ANK2: variants seen among roughly 807,000 people sequenced by gnomAD.
ANK2 encodes ankyrin-2.
Under a neutral mutation model 360.5 loss-of-function variants are expected in ANK2, and 83 were observed. That is an observed-to-expected ratio of 0.23 (90% CI 0.19 to 0.28). ANK2 has a LOEUF of 0.28. Ranked by LOEUF, ANK2 falls within the 10% of genes least tolerant of loss-of-function variation. The pLI is 1.00. For synonymous variants in ANK2, 1,740 were observed against 1,759.5 expected (o/e 0.99, Z 0.28); for missense variants, 4,201 against 4,795.7 (o/e 0.88, Z 3.66).
intron 4 of ANK2, among the ~76,000 whole-genome samples, chr4:113,216,538 A>C (rs2099087597): frequency 1.3e-5 from 2 of 152,226 alleles, no homozygotes; most frequent in Admixed American, 6.5e-5. Flanking sequence ...TAGGCCTGTT[A>C]GGGCATCATC....
chr4:112,841,043 C>T (rs748003332), intron 1 of ANK2, among the ~76,000 whole-genome samples: 5 of 152,180 alleles, frequency 3.3e-5, no homozygotes, highest in Non-Finnish European at 7.4e-5. Flanking sequence ...TGACAACTGC[C>T]TTCTTAAATG....
At chr4:112,793,160 G>A in the ANK2 span, among the ~76,000 whole-genome samples, 54,417 of 151,880 alleles carry the variant, frequency 0.36, 10,182 homozygotes, top group African/African-American at 0.46. Flanking sequence ...TTGTGATGCC[G>A]TTTGTTAAAT....
intron 2 of ANK2, among the ~76,000 whole-genome samples, chr4:113,012,342 C>T (rs1200640777): frequency 2.0e-5 from 3 of 152,070 alleles, no homozygotes; most frequent in Non-Finnish European, 2.9e-5. Flanking sequence ...CTGACCTTCC[C>T]GATTAAAATC....
chr4:112,803,887 T>A, the ANK2 span, among the ~76,000 whole-genome samples: 1 of 152,178 alleles, frequency 6.6e-6, no homozygotes, highest in South Asian at 2.1e-4. Flanking sequence ...TTCCAAATAG[T>A]ATAATAGACA....
chr4:113,291,591 A>G (rs1276309440), intron 20 of ANK2, among the ~76,000 whole-genome samples: 1 of 152,266 alleles, frequency 6.6e-6, no homozygotes, highest in Non-Finnish European at 1.5e-5. Context: ...TGTTGCTCAC[A>G]GGGCAGCAGT....
At chr4:113,107,078 G>A (rs568610604) in intron 1 of ANK2, 5 of 315,494 alleles carry the variant, frequency 1.6e-5, no homozygotes, top group South Asian at 2.9e-5. Context: ...ATTAAGGCCT[G>A]GTGTAAATCT....
At chr4:112,751,261 A>G in the ANK2 span, among the ~76,000 whole-genome samples, 1 of 152,312 alleles carries the variant, frequency 6.6e-6, no homozygotes, top group South Asian at 2.1e-4. Context: ...AGCATTTACA[A>G]TGCCATATAC....
At chr4:112,717,789 A>AT in the ANK2 span, among the ~76,000 whole-genome samples, 2 of 7,350 alleles carry the variant, frequency 2.7e-4, no homozygotes, top group Non-Finnish European at 1.0e-3. Flanking sequence ...TTTAAAAAAA[A>AT]AATATTTATA....
At chr4:113,380,195 T>TATGGAGTAGCC (rs2097120875) in intron 45 of ANK2, among the ~76,000 whole-genome samples, 1 of 152,164 alleles carries the variant, frequency 6.6e-6, no homozygotes, top group Admixed American at 6.5e-5. Flanking sequence ...CTGCTCTGCC[T>TATGGAGTAGCC]ATGGAGTAGC....
chr4:113,137,267 G>A (rs1472179644), intron 1 of ANK2, among the ~76,000 whole-genome samples: 1 of 152,314 alleles, frequency 6.6e-6, no homozygotes, highest in East Asian at 1.9e-4. Context: ...AACTCTTTAG[G>A]AGACAGTTAC....
At chr4:112,960,078 G>A (rs1328512291) in intron 2 of ANK2, among the ~76,000 whole-genome samples, 1 of 152,158 alleles carries the variant, frequency 6.6e-6, no homozygotes, top group African/African-American at 2.4e-5. Flanking sequence ...AAATAGCCAA[G>A]GTAGAGACAA....
the ANK2 span, among the ~76,000 whole-genome samples, chr4:112,774,396 G>C: frequency 1.3e-5 from 2 of 152,040 alleles, no homozygotes; most frequent in Non-Finnish European, 1.5e-5. Flanking sequence ...TGTAGTGGCA[G>C]GTGTCTGTAG....
At chr4:112,927,997 T>C (rs2092769966) in intron 2 of ANK2, among the ~76,000 whole-genome samples, 1 of 152,238 alleles carries the variant, frequency 6.6e-6, no homozygotes, top group Non-Finnish European at 1.5e-5. Flanking sequence ...TTATAAGCTC[T>C]TTCTGATTTT....
chr4:112,935,120 AGTGTGTGTGTGTGT>A (rs10601105), intron 2 of ANK2, among the ~76,000 whole-genome samples: 2 of 148,758 alleles, frequency 1.3e-5, no homozygotes, highest in African/African-American at 4.9e-5. Flanking sequence ...AGTCAGAGAA[AGTGTGTGTGTGTGT>A]GTGTGTGTGT....
chr4:113,108,638 A>G (rs953132160), intron 1 of ANK2, among the ~76,000 whole-genome samples: 3 of 152,166 alleles, frequency 2.0e-5, no homozygotes, highest in Non-Finnish European at 4.4e-5. Flanking sequence ...TTTCGCTGAG[A>G]GAGCTTCTAC....
the ANK2 span, among the ~76,000 whole-genome samples, chr4:112,707,468 T>C: frequency 6.6e-6 from 1 of 152,376 alleles, no homozygotes; most frequent in African/African-American, 2.4e-5. Context: ...TCTAATTTTA[T>C]GACAATGCAT....
At chr4:113,154,527 AG>A (rs1474893700) in intron 1 of ANK2, among the ~76,000 whole-genome samples, 3 of 152,220 alleles carry the variant, frequency 2.0e-5, no homozygotes, top group African/African-American at 7.2e-5. Flanking sequence ...AGCACATGAG[AG>A]ATGATTAACA....
At chr4:112,958,093 C>T (rs374878910) in intron 2 of ANK2, among the ~76,000 whole-genome samples, 51 of 150,310 alleles carry the variant, frequency 3.4e-4, no homozygotes, top group African/African-American at 1.1e-3. Flanking sequence ...CGGGCAGAGA[C>T]GCTCCTCACT....
chr4:112,767,078 A>T, the ANK2 span, among the ~76,000 whole-genome samples: 3 of 152,210 alleles, frequency 2.0e-5, no homozygotes, highest in African/African-American at 7.2e-5. Flanking sequence ...GTAAAGCATC[A>T]TCTCTTTCTT....
Sources: allele counts gnomAD v4.1 joint callset (sites outside exome capture counted in the v4.1 genomes callset), GRCh38; gene constraint gnomAD v4.1.1; transcripts MANE v1.5; gene names NCBI Gene and HGNC (gene_info 2026-07-23, HGNC 2026-07-21).